Variants in ZFAND4 observed in about 807,000 individuals in gnomAD.
ZFAND4 encodes zinc finger AN1-type containing 4.
ZFAND4 carries 43 observed loss-of-function variants against 64.4 expected under a neutral mutation model. That is an observed-to-expected ratio of 0.67 (90% CI 0.52 to 0.86). The LOEUF (loss-of-function observed/expected upper bound fraction) is 0.86. Among genes scored for constraint, ZFAND4 ranks in the 40% least tolerant of loss-of-function variants. The pLI is 0.00. For missense variants in ZFAND4, 929 were observed against 859.8 expected (o/e 1.08, Z -1.01); for synonymous variants, 296 against 305.7 (o/e 0.97, Z 0.33).
intron 1 of ZFAND4, among the ~76,000 whole-genome samples, chr10:45,664,728 C>T (rs748445548): frequency 1.3e-5 from 2 of 151,850 alleles, no homozygotes; most frequent in African/African-American, 4.8e-5. Context: ...GAGATCGAGA[C>T]CATCCTGGCT....
intron 6 of ZFAND4, among the ~76,000 whole-genome samples, chr10:45,635,208 A>AC (rs2046487952): frequency 2.1e-5 from 3 of 144,894 alleles, no homozygotes; most frequent in African/African-American, 5.2e-5. Flanking sequence ...AAAAAAAAAA[A>AC]AAAAACAAAA....
At chr10:45,654,318 A>T (rs1358977837) in intron 2 of ZFAND4, among the ~76,000 whole-genome samples, 4 of 152,162 alleles carry the variant, frequency 2.6e-5, no homozygotes, top group Non-Finnish European at 5.9e-5. Flanking sequence ...CTAAAAGTTG[A>T]AAAAACAAAA....
At chr10:45,667,613 C>A (rs1373388570) in intron 1 of ZFAND4, among the ~76,000 whole-genome samples, 1 of 152,014 alleles carries the variant, frequency 6.6e-6, no homozygotes, top group Non-Finnish European at 1.5e-5. Flanking sequence ...GGATTACAGG[C>A]ACCTGCCACC....
In ZFAND4 at chr10:45,623,750, A is replaced by G. The variant is rs115899639; in HGVS notation, c.1927+833T>C. Among the ~76,000 whole-genome samples, 696 of 152,332 alleles carry G rather than the reference A, an allele frequency of 4.6e-3. 5 individuals are homozygous for G. Among genetic ancestry groups the G allele is most frequent in the African/African-American group, 0.016 (658 of 41,572 alleles). On this transcript the variant is annotated intron_variant, in intron 8 of 9. Coordinates refer to ENST00000344646, the MANE Select transcript of ZFAND4 (RefSeq NM_174890.4). ...TGAAAGTCACTGAACTTTATACTTA[A>G]AAATGGTTATGACAGTAAAATTTAT...
rs192222968 is a variant in ZFAND4 at position 45,636,028 on chromosome 10, G to A, written c.717+3788C>T. On this transcript the variant is annotated intron_variant, in intron 6 of 9. Transcript: ENST00000344646. Reference sequence around the variant, plus strand: ...CAAAATTTCTCTCATGAATGAAATCGTAATGCAAAAATCCTAAAGAAAATA... The same window carrying A: ...CAAAATTTCTCTCATGAATGAAATCATAATGCAAAAATCCTAAAGAAAATA... Among the ~76,000 whole-genome samples the A allele has an allele frequency of 4.5e-3, 689 of 152,010 alleles. 1 individual carries two copies. Among genetic ancestry groups the A allele is most frequent in the Admixed American group, 6.5e-3 (99 of 15,270 alleles).
At chr10:45,627,619 C>T (rs2045927340) in intron 6 of ZFAND4, among the ~76,000 whole-genome samples, 1 of 152,142 alleles carries the variant, frequency 6.6e-6, no homozygotes, top group Admixed American at 6.5e-5. Flanking sequence ...ATGAACCTAA[C>T]TGATAAGAGT....
chr10:45,641,006 GTATAA>G (rs1488817638), intron 5 of ZFAND4, among the ~76,000 whole-genome samples: 1 of 152,118 alleles, frequency 6.6e-6, no homozygotes, highest in Non-Finnish European at 1.5e-5. Context: ...CTCTTTGATT[GTATAA>G]TATAATGATG....
chr10:45,635,426 T>G (rs895357205), intron 6 of ZFAND4, among the ~76,000 whole-genome samples: 5 of 152,068 alleles, frequency 3.3e-5, no homozygotes, highest in African/African-American at 1.2e-4. Context: ...GGGGAAAGGA[T>G]AGTCTCTTCA....
At chr10:45,660,491 G>C (rs1290051317) in intron 2 of ZFAND4, among the ~76,000 whole-genome samples, 3 of 152,096 alleles carry the variant, frequency 2.0e-5, no homozygotes, top group South Asian at 4.1e-4. Context: ...AAATGAGACA[G>C]AAGAAATACT....
chr10:45,659,440 G>A (rs529051354), intron 2 of ZFAND4, among the ~76,000 whole-genome samples: 1 of 152,158 alleles, frequency 6.6e-6, no homozygotes, highest in South Asian at 2.1e-4. Context: ...GAATTTGAAG[G>A]CTCTGGCACT....
intron 3 of ZFAND4, among the ~76,000 whole-genome samples, chr10:45,652,281 G>A (rs547556954): frequency 3.0e-4 from 46 of 152,250 alleles, no homozygotes; most frequent in African/African-American, 1.0e-3. Context: ...CTGTGATTAC[G>A]TGTTTTAGCC....
rs778112581 is a variant in ZFAND4 at position 45,626,499 on chromosome 10, G to A, written c.1324C>T (p.Leu442Phe). ...DKGLKAPEQH[L>F]KHVAGVLNGE... Reference sequence around the variant, plus strand: ...TTCAGCACTCCTGCAACATGCTTGAGATGCTGCTCTGGAGCTTTCAACCCT... The same window carrying A: ...TTCAGCACTCCTGCAACATGCTTGAAATGCTGCTCTGGAGCTTTCAACCCT... Residue 442 changes from leucine to phenylalanine, a missense_variant, in exon 7 of 10, where the codon CTC becomes TTC. Coordinates refer to ENST00000344646, the MANE Select transcript of ZFAND4 (RefSeq NM_174890.4). 1 of 1,613,890 alleles carries A rather than the reference G, an allele frequency of 6.2e-7. No individual in the cohort carries two copies. The highest frequency in any genetic ancestry group is 1.1e-5 in the South Asian group (1 of 91,084).
chr10:45,668,747 C>G (rs1056783516), intron 1 of ZFAND4, among the ~76,000 whole-genome samples: 1 of 152,198 alleles, frequency 6.6e-6, no homozygotes, highest in Non-Finnish European at 1.5e-5. Flanking sequence ...AAGAAACTCA[C>G]TCAAAACTGC....
At chr10:45,632,484 G>A (rs988633510) in intron 6 of ZFAND4, among the ~76,000 whole-genome samples, 4 of 152,126 alleles carry the variant, frequency 2.6e-5, no homozygotes, top group African/African-American at 9.6e-5. Flanking sequence ...TTTTTAATGA[G>A]AGGATGAAGA....
intron 5 of ZFAND4, among the ~76,000 whole-genome samples, chr10:45,648,079 C>T (rs1336707896): frequency 6.6e-6 from 1 of 152,092 alleles, no homozygotes; most frequent in Admixed American, 6.5e-5. Context: ...ATTCTATAAT[C>T]TATTAGGCAT....
chr10:45,662,614 C>G (rs187456933), intron 2 of ZFAND4: 2 of 985,452 alleles, frequency 2.0e-6, no homozygotes, highest in Non-Finnish European at 2.4e-6. Flanking sequence ...CTTCAAGAGT[C>G]ATTACTGAAT....
intron 6 of ZFAND4, chr10:45,639,597 A>T (rs904194641): frequency 1.5e-5 from 5 of 334,552 alleles, no homozygotes; most frequent in African/African-American, 8.6e-5. Context: ...ACCCAGAATG[A>T]TCTTTAAAAT....
At chr10:45,616,593 C>T (rs764462110) in intron 9 of ZFAND4, 22 bp from the exon 10 acceptor site, 16 of 1,613,068 alleles carry the variant, frequency 9.9e-6, no homozygotes, top group East Asian at 4.5e-5. Flanking sequence ...AAAAAGTTTA[C>T]GTGAATAGTT....
At chr10:45,652,898 G>T in intron 3 of ZFAND4, 86 bp downstream of exon 3, 1 of 999,782 alleles carries the variant, frequency 1.0e-6, no homozygotes. Context: ...AAACAGACAT[G>T]ATCTAAGAGT....
Sources: allele counts gnomAD v4.1 joint callset (sites outside exome capture counted in the v4.1 genomes callset), GRCh38; gene constraint gnomAD v4.1.1; transcripts MANE v1.5; gene names NCBI Gene and HGNC (gene_info 2026-07-23, HGNC 2026-07-21).